The following UMAD1 variants were observed in gnomAD, a reference collection of about 807,000 sequenced individuals.
The protein encoded by UMAD1 is UBAP1-MVB12-associated (UMA)-domain containing protein 1.
A neutral mutation model predicts 6.1 loss-of-function variants in UMAD1; 8 were observed. That is an observed-to-expected ratio of 1.30 (90% CI 0.76 to 2.35). The LOEUF is 2.35. Among genes scored for constraint, UMAD1 ranks in the 30% most tolerant of loss-of-function variants. The pLI is 0.00. For missense variants in UMAD1, 130 were observed against 78.4 expected (o/e 1.66, Z -2.49); for synonymous variants, 56 against 31.4 (o/e 1.78, Z -2.61).
intron 2 of UMAD1, among the ~76,000 whole-genome samples, chr7:7,683,399 ACT>A (rs1779960285): frequency 6.6e-6 from 1 of 152,044 alleles, no homozygotes; most frequent in Non-Finnish European, 1.5e-5. Context: ...ACTACAGTTC[ACT>A]CTCTAATAAT....
chr7:7,755,119 C>G (rs1781752692), intron 2 of UMAD1, among the ~76,000 whole-genome samples: 1 of 152,144 alleles, frequency 6.6e-6, no homozygotes, highest in Non-Finnish European at 1.5e-5. Context: ...GAATGCCTGC[C>G]TTGATCTGTT....
chr7:7,848,760 A>C (rs1234692495), intron 3 of UMAD1, among the ~76,000 whole-genome samples: 1 of 152,114 alleles, frequency 6.6e-6, no homozygotes, highest in African/African-American at 2.4e-5. Flanking sequence ...CAGAAAGTCA[A>C]GTCTGCTTTT....
chr7:7,699,625 G>T (rs1780408081), intron 2 of UMAD1, among the ~76,000 whole-genome samples: 1 of 152,228 alleles, frequency 6.6e-6, no homozygotes, highest in South Asian at 2.1e-4. Context: ...CTAAGTTTAG[G>T]ACCAGAAAAG....
intron 3 of UMAD1, among the ~76,000 whole-genome samples, chr7:7,869,115 G>C (rs1044019026): frequency 3.3e-5 from 5 of 152,130 alleles, no homozygotes; most frequent in Admixed American, 2.6e-4. Context: ...TTAGTGACCA[G>C]CTTCTTATAA....
At chr7:7,793,208 A>G (rs1010946387) in intron 2 of UMAD1, among the ~76,000 whole-genome samples, 10 of 152,222 alleles carry the variant, frequency 6.6e-5, no homozygotes, top group African/African-American at 2.4e-4. Flanking sequence ...TAACAGCCTT[A>G]GTATGTATCA....
At chr7:7,693,322 T>TCTATCTAC (rs1780224118) in intron 2 of UMAD1, among the ~76,000 whole-genome samples, 1 of 151,964 alleles carries the variant, frequency 6.6e-6, no homozygotes, top group Non-Finnish European at 1.5e-5. Context: ...TATCTATCTA[T>TCTATCTAC]CTATCTATCT....
At chr7:7,872,834 A>C (rs910447098) in intron 3 of UMAD1, among the ~76,000 whole-genome samples, 6 of 152,232 alleles carry the variant, frequency 3.9e-5, no homozygotes, top group Admixed American at 1.3e-4. Flanking sequence ...CACAACCAAA[A>C]AAGAAAAGAA....
At chr7:7,848,854 C>T (rs1353527656) in intron 3 of UMAD1, among the ~76,000 whole-genome samples, 2 of 152,092 alleles carry the variant, frequency 1.3e-5, no homozygotes, top group East Asian at 3.9e-4. Flanking sequence ...TCATATTTTA[C>T]TGCCAACTTT....
rs139840094 is a variant in UMAD1, at chr7:7,870,787, G to C, written c.157-6494G>C. 1.9e-3 allele frequency among the ~76,000 whole-genome samples: 290 copies of C among 152,322 alleles called. 1 individual carries two copies. The highest frequency in any genetic ancestry group is 6.8e-3 in the African/African-American group (282 of 41,574). ...CATGGCACTCACCCTGCTGCCAAGA[G>C]GGCAGGCAGCCTCCTTGGAGACTGT... On this transcript the variant is annotated intron_variant, in intron 3 of 3. Transcript: ENST00000682710.
chr7:7,773,815 A>T (rs1782147418), intron 2 of UMAD1, among the ~76,000 whole-genome samples: 2 of 152,110 alleles, frequency 1.3e-5, no homozygotes, highest in Non-Finnish European at 2.9e-5. Context: ...GGTTGAAGGG[A>T]GGAGGTGAGT....
Position 7,761,919 on chromosome 7 carries a change from C to G in UMAD1, c.83-39751C>G, listed in dbSNP as rs544377009. On this transcript the variant is annotated intron_variant, in intron 2 of 3. Coordinates refer to ENST00000682710, the MANE Select transcript of UMAD1 (RefSeq NM_001302348.2). ...CCGTCTCCTTTGCAGGCCCTTTTCC[C>G]TCAGTTTCCATTCTTGTGCTTTTTT... 4.6e-5 allele frequency among the ~76,000 whole-genome samples: 7 copies of G among 152,200 alleles called. No homozygotes were observed. The South Asian group carries it at 1.5e-3, about 32-fold the overall frequency.
At chr7:7,824,901 C>G (rs758982341) in intron 3 of UMAD1, among the ~76,000 whole-genome samples, 12 of 152,134 alleles carry the variant, frequency 7.9e-5, no homozygotes, top group Non-Finnish European at 1.3e-4. Flanking sequence ...TGATTTTTCA[C>G]CAGGATAGCT....
At chr7:7,718,601 G>C (rs1780979036) in intron 2 of UMAD1, 1 of 152,172 alleles carries the variant, frequency 6.6e-6, no homozygotes, top group Non-Finnish European at 1.5e-5. Context: ...TCTTATCTGA[G>C]TAGCTTCTGT....
intron 3 of UMAD1, among the ~76,000 whole-genome samples, chr7:7,822,572 C>T (rs1057018129): frequency 6.6e-6 from 1 of 152,104 alleles, no homozygotes; most frequent in African/African-American, 2.4e-5. Context: ...AGCACACAGA[C>T]CACTTGGTAT....
chr7:7,760,857 T>A (rs1260116848), intron 2 of UMAD1, among the ~76,000 whole-genome samples: 1 of 152,178 alleles, frequency 6.6e-6, no homozygotes, highest in Non-Finnish European at 1.5e-5. Flanking sequence ...TTGAAAAGTT[T>A]TACTAGCAAA....
chr7:7,728,406 G>C (rs2115189549), intron 2 of UMAD1, among the ~76,000 whole-genome samples: 1 of 152,226 alleles, frequency 6.6e-6, no homozygotes, highest in East Asian at 1.9e-4. Flanking sequence ...AGCACTTTGG[G>C]AGGCCAAGGT....
intron 2 of UMAD1, among the ~76,000 whole-genome samples, chr7:7,748,302 T>C (rs1253353796): frequency 6.6e-6 from 1 of 152,064 alleles, no homozygotes; most frequent in Non-Finnish European, 1.5e-5. Context: ...TATGTAATTG[T>C]TTATGTCATA....
rs17497014 is a variant in UMAD1 at position 7,878,654 on chromosome 7, G to T, written c.*1116G>T. The stretch of plus-strand genomic sequence containing the variant: ...ATTTTGATTACCAGCAATATGATTT[G>T]TTAACTCTGTGCCAAGTTTTAAGTA... On this transcript the variant is annotated 3_prime_UTR_variant, in exon 4 of 4. Transcript: ENST00000682710. The T allele has an allele frequency of 2.0e-5, 3 of 151,980 alleles. No homozygotes were observed. Among genetic ancestry groups the T allele is most frequent in the African/African-American group, 7.2e-5 (3 of 41,388 alleles). 9.4% of individuals were successfully genotyped at this position (151,980 alleles called of 1,614,324 possible).
intron 2 of UMAD1, among the ~76,000 whole-genome samples, chr7:7,782,046 C>T (rs897460491): frequency 6.6e-6 from 1 of 151,958 alleles, no homozygotes; most frequent in Non-Finnish European, 1.5e-5. Context: ...TCTATCATTA[C>T]GTTAGGAAAA....
Sources: gnomAD v4.1 joint callset for allele counts (sites outside exome capture counted in the v4.1 genomes callset) on GRCh38, gnomAD v4.1.1 for gene constraint, MANE v1.5 for transcripts, NCBI Gene and HGNC (gene_info 2026-07-23, HGNC 2026-07-21) for gene names.